Variants in GPR50 observed in about 807,000 individuals in gnomAD.
The protein encoded by GPR50 is melatonin-related receptor.
Under a neutral mutation model 2.6 loss-of-function variants are expected in GPR50, and 1 was observed. That is an observed-to-expected ratio of 0.38 (90% confidence interval 0.13 to 1.79). The LOEUF (loss-of-function observed/expected upper bound fraction) is 1.79, where lower values mean the gene tolerates loss of function less well. Among genes scored for constraint, GPR50 ranks in the 40% most tolerant of loss-of-function variants. GPR50 has a pLI of 0.33. For synonymous variants in GPR50, 233 were observed against 202.3 expected (o/e 1.15, Z -1.29); for missense variants, 535 against 522.1 (o/e 1.02, Z -0.24).
Position 151,180,469 on chromosome X carries a change from C to G in GPR50, c.886C>G (p.Leu296Val), listed in dbSNP as rs894022568. The G allele has an allele frequency of 3.3e-6, 4 of 1,208,587 alleles. No homozygotes were observed. The highest frequency in any genetic ancestry group is 4.5e-6 in the Non-Finnish European group (4 of 894,309). The stretch of plus-strand genomic sequence containing the variant: ...CTGCCTCAACGCTGTGATCTACGGG[C>G]TCCTCAATGAGAATTTCCGAAGAGA... ...NSCLNAVIYG[L>V]LNENFRREYW... The change falls in exon 2 of 2, where the codon CTC becomes GTC. Residue 296 changes from leucine to valine, a missense_variant. Leu to Val is a conservative substitution (Grantham distance 32, BLOSUM62 1). Coordinates refer to ENST00000218316, the MANE Select transcript of GPR50 (RefSeq NM_004224.3).
Position 151,180,160 on chromosome X carries a change from G to A in GPR50, c.577G>A (p.Val193Ile), listed in dbSNP as rs768655839. The A allele has an allele frequency of 1.7e-6, 2 of 1,206,680 alleles. No homozygotes were observed. The highest frequency in any genetic ancestry group is 3.0e-5 in the East Asian group (1 of 33,810). Reference sequence around the variant, plus strand: ...CAACCCTGTCTTCACTGTTACCATCGTCTGCATCCACTTCGTCCTCCCTCT... The same window carrying A: ...CAACCCTGTCTTCACTGTTACCATCATCTGCATCCACTTCGTCCTCCCTCT... The part of the protein sequence containing the change: ...LNNPVFTVTI[V>I]CIHFVLPLLI... Residue 193 changes from valine (V) to isoleucine (I), a missense_variant, in exon 2 of 2, where the codon GTC (valine) becomes ATC (isoleucine). Physicochemically the swap from Val to Ile is conservative, Grantham distance 29 (BLOSUM62 3). Coordinates refer to ENST00000218316, the MANE Select transcript of GPR50 (RefSeq NM_004224.3).
intron 1 of GPR50, among the ~76,000 whole-genome samples, chrX:151,178,372 C>T (rs1211767403): frequency 8.9e-6 from 1 of 112,964 alleles, no homozygotes; most frequent in Non-Finnish European, 1.9e-5. Flanking sequence ...TTCACCTTCA[C>T]CCCCGCGGTG....
In GPR50 at chrX:151,180,828, T is replaced by C. The variant is rs1193534394; in HGVS notation, c.1245T>C (p.Ser415=). The C allele has an allele frequency of 4.1e-6, 5 of 1,208,552 alleles. No homozygotes were observed. The highest frequency in any genetic ancestry group is 5.6e-6 in the Non-Finnish European group (5 of 894,607). ...TCTTTAGCCACTCCAAGGCTGCCTC[T>C]GGTCACCTCAAGCCTGTCTCTGGCC... ...KSVFSHSKAA[S]GHLKPVSGHS... Residue 415 remains serine (S), a synonymous_variant, in exon 2 of 2, where the codon TCT becomes TCC. Coordinates refer to ENST00000218316, the MANE Select transcript of GPR50 (RefSeq NM_004224.3).
rs745610748 is a variant in GPR50 at position 151,180,031 on chromosome X, G to T, written c.448G>T (p.Val150Phe). 2.5e-6 allele frequency: 3 copies of T among 1,211,364 alleles called. No homozygotes were observed. In the South Asian group the frequency reaches 5.3e-5, roughly 21 times the overall value. ...TGTGCGCAATACCTGCATCTACCTG[G>T]TCATCACCTGGATCATGACCGTCCT... ...FSVRNTCIYL[V>F]ITWIMTVLAV... Residue 150 changes from valine to phenylalanine, a missense_variant, in exon 2 of 2, where the codon GTC becomes TTC. By Grantham distance (50) the Val-to-Phe change is conservative (BLOSUM62 -1). Transcript: ENST00000218316.
At position 151,180,042 on chromosome X, in the gene GPR50, G is replaced by C; in HGVS notation, c.459G>C (p.Trp153Cys). 2 of 1,211,504 alleles carry C rather than the reference G, an allele frequency of 1.7e-6. No homozygotes were observed. Among genetic ancestry groups the C allele is most frequent in the Non-Finnish European group, 2.2e-6 (2 of 895,388 alleles). ...CCTGCATCTACCTGGTCATCACCTG[G>C]ATCATGACCGTCCTGGCTGTCCTGC... ...RNTCIYLVIT[W>C]IMTVLAVLPN... The change falls in exon 2 of 2, where the codon TGG becomes TGC. Residue 153 changes from tryptophan (W) to cysteine (C), a missense_variant. By Grantham distance (215) the Trp-to-Cys change is radical. Coordinates refer to ENST00000218316, the MANE Select transcript of GPR50 (RefSeq NM_004224.3).
rs769611396 is a variant in GPR50, at chrX:151,180,141, T to C, written c.558T>C (p.Pro186=). Residue 186 remains proline (P), a synonymous_variant, in exon 2 of 2, where the codon CCT becomes CCC. Transcript: ENST00000218316. ...YTCIFNYLNN[P]VFTVTIVCIH... is the part of the protein sequence containing the mutation. ...GCATCTTCAACTATCTGAACAACCC[T>C]GTCTTCACTGTTACCATCGTCTGCA... The C allele has an allele frequency of 2.5e-6, 3 of 1,207,813 alleles. No homozygotes were observed. Among genetic ancestry groups the C allele is most frequent in the Non-Finnish European group, 2.2e-6 (2 of 894,787 alleles).
intron 1 of GPR50, 62 bp from the exon 2 acceptor site, chrX:151,179,709 T>TGGTCGCCGTATCATTAAAAA: frequency 2.4e-6 from 2 of 818,790 alleles, no homozygotes; most frequent in Non-Finnish European, 1.7e-6. Context: ...TAGATTTCTG[T>TGGTCGCCGTATCATTAAAAA]ACTTAAACCA....
At chrX:151,182,108 T>C (rs934180407), downstream of GPR50, among the ~76,000 whole-genome samples, 1 of 112,579 alleles carries the variant, frequency 8.9e-6, no homozygotes, top group East Asian at 2.8e-4. Flanking sequence ...AAAGGAAAGA[T>C]ATGGGCACAC....
intron 1 of GPR50, among the ~76,000 whole-genome samples, chrX:151,178,296 C>T (rs772904019): frequency 8.5e-4 from 96 of 112,281 alleles, no homozygotes; most frequent in African/African-American, 3.0e-3. Flanking sequence ...AGTTTTCTTA[C>T]AAAGTCTGGT....
rs774635473 is a variant in GPR50 at position 151,180,592 on chromosome X, C to T, written c.1009C>T (p.Arg337Cys). 37 of 1,208,101 alleles carry T rather than the reference C, an allele frequency of 3.1e-5. No homozygotes were observed. The highest frequency in any genetic ancestry group is 3.6e-5 in the Non-Finnish European group (32 of 893,957). ...GATGCAGGAGGCCCGTACCCTGGCC[C>T]GCGCCCGTGCCCATGCTCGCGACCA... is the stretch of plus-strand genomic sequence containing the variant. ...REMQEARTLA[R>C]ARAHARDQAR... The change falls in exon 2 of 2, where the codon CGC (arginine) becomes TGC (cysteine). Residue 337 changes from arginine (R) to cysteine (C), a missense_variant. By Grantham distance (180) the Arg-to-Cys change is radical (BLOSUM62 -3). Transcript: ENST00000218316.
rs73615717 is a variant in GPR50 at position 151,178,699 on chromosome X, T to C, written c.188-1072T>C. 4.5e-3 allele frequency among the ~76,000 whole-genome samples: 502 copies of C among 112,171 alleles called. 3 individuals are homozygous for C. Among genetic ancestry groups the C allele is most frequent in the African/African-American group, 0.015 (464 of 30,878 alleles). ...CCTTTGCCCTTTTCAAAAGCGCTCA[T>C]TTTCTCCTAGTCCAAGATGAAGTGC... On this transcript the variant is annotated intron_variant, in intron 1 of 1. Transcript: ENST00000218316.
chrX:151,181,749 ATTT>A (rs779826685), downstream of GPR50, among the ~76,000 whole-genome samples: 9 of 110,809 alleles, frequency 8.1e-5, no homozygotes, highest in Non-Finnish European at 1.3e-4. Context: ...TTAGACTTTG[ATTT>A]TTTTCCCACT....
intron 1 of GPR50, among the ~76,000 whole-genome samples, chrX:151,179,281 T>C (rs1186389007): frequency 9.1e-6 from 1 of 110,436 alleles, no homozygotes; most frequent in Non-Finnish European, 1.9e-5. Flanking sequence ...TTCTCTCTAG[T>C]AATGTGTTTA....
At position 151,180,680 on chromosome X, in the gene GPR50, G is replaced by C; in HGVS notation, c.1097G>C (p.Arg366Pro). Residue 366 changes from arginine (R) to proline (P), a missense_variant, in exon 2 of 2, where the codon CGG (arginine) becomes CCG (proline). By Grantham distance (103) the Arg-to-Pro change is moderately radical (BLOSUM62 -2). Transcript: ENST00000218316. ...PAVEETPMNV[R>P]NVPLPGDAAA... ...GTGGAGGAAACCCCGATGAATGTCC[G>C]GAATGTTCCATTACCTGGTGATGCT... The C allele has an allele frequency of 8.3e-7, 1 of 1,211,455 alleles. No homozygotes were observed. Among genetic ancestry groups the C allele is most frequent in the Non-Finnish European group, 1.1e-6 (1 of 895,409 alleles).
chrX:151,176,928 C>G lies in GPR50; in HGVS notation c.187+20C>G. On this transcript the variant is annotated intron_variant, in intron 1 of 1. Transcript: ENST00000218316. ...ATTCTGGTAAGCCACCCCTTCTTCTCCCTACCCAGTGTGCAGAGACTTGCA... is the reference window on the plus strand; with the variant it reads ...ATTCTGGTAAGCCACCCCTTCTTCTGCCTACCCAGTGTGCAGAGACTTGCA... 8.7e-7 allele frequency: 1 copy of G among 1,143,475 alleles called. No individual in the cohort carries two copies. The highest frequency in any genetic ancestry group is 3.0e-5 in the East Asian group (1 of 33,353). The allele number at this position is 1,143,475 out of a possible 1,213,427, so 94.2% of individuals were successfully genotyped here.
intron 1 of GPR50, 133 bp downstream of exon 1, chrX:151,177,041 C>T: frequency 4.2e-6 from 2 of 478,069 alleles, no homozygotes; most frequent in South Asian, 3.6e-5. Context: ...CCAAATTCCC[C>T]GCAAGCCTGG....
In GPR50 at chrX:151,178,674, C is replaced by T. The variant is rs2048694492; in HGVS notation, c.188-1097C>T. Among the ~76,000 whole-genome samples, 3 of 112,065 alleles carry T rather than the reference C, an allele frequency of 2.7e-5. No homozygotes were observed. The Admixed American group carries it at 2.8e-4, about 11-fold the overall frequency. On this transcript the variant is annotated intron_variant, in intron 1 of 1. Coordinates refer to ENST00000218316, the MANE Select transcript of GPR50 (RefSeq NM_004224.3). ...GAGGAAGGAGGAAGAAGGAGCCATA[C>T]CTTTGCCCTTTTCAAAAGCGCTCAT...
chrX:151,180,135 C>T lies in GPR50; in HGVS notation c.552C>T (p.Asn184=), dbSNP rs1403381279. 3 of 1,206,331 alleles carry T rather than the reference C, an allele frequency of 2.5e-6. No individual in the cohort carries two copies. In the African/African-American group the frequency reaches 5.3e-5, roughly 21 times the overall value. Residue 184 remains asparagine (N), a synonymous_variant, in exon 2 of 2, where the codon AAC becomes AAT. Transcript: ENST00000218316. ...ACACCTGCATCTTCAACTATCTGAA[C>T]AACCCTGTCTTCACTGTTACCATCG... ...RTYTCIFNYL[N]NPVFTVTIVC...
chrX:151,180,312 C>A lies in GPR50; in HGVS notation c.729C>A (p.Phe243Leu). The A allele has an allele frequency of 8.3e-7, 1 of 1,210,023 alleles. No individual in the cohort carries two copies. Among genetic ancestry groups the A allele is most frequent in the Non-Finnish European group, 1.1e-6 (1 of 895,041 alleles). Residue 243 changes from phenylalanine to leucine, a missense_variant, in exon 2 of 2, where the codon TTC becomes TTA. By Grantham distance (22) the Phe-to-Leu change is conservative (BLOSUM62 0). Transcript: ENST00000218316. The part of the protein sequence containing the change: ...VRNFLTMFVI[F>L]LLFAVCWCPI... ...ATTTTCTAACCATGTTTGTGATCTT[C>A]CTCCTCTTTGCAGTGTGCTGGTGCC...
Sources: gnomAD v4.1 joint callset for allele counts (sites outside exome capture counted in the v4.1 genomes callset) on GRCh38, gnomAD v4.1.1 for gene constraint, MANE v1.5 for transcripts, NCBI Gene and HGNC (gene_info 2026-07-23, HGNC 2026-07-21) for gene names.